Variants in GTF2H1 observed in about 807,000 individuals in gnomAD.
The protein encoded by GTF2H1 is general transcription factor IIH subunit 1.
In GTF2H1, 16 loss-of-function variants were observed where a neutral mutation model predicts 71.2. The observed-to-expected ratio is 0.22, with a 90% CI of 0.15 to 0.34. The LOEUF (loss-of-function observed/expected upper bound fraction) is 0.34. Ranked by LOEUF, GTF2H1 falls within the 10% of genes least tolerant of loss-of-function variation. The probability of loss-of-function intolerance (pLI) is 1.00; values close to 1 mark genes in which losing one functional copy is unlikely to be tolerated. For synonymous variants in GTF2H1, 215 were observed against 219.0 expected (o/e 0.98, Z 0.16); for missense variants, 498 against 648.2 (o/e 0.77, Z 2.52).
chr11:18,343,486 G>A (rs1485844025), intron 7 of GTF2H1, among the ~76,000 whole-genome samples: 3 of 151,732 alleles, frequency 2.0e-5, no homozygotes, highest in Admixed American at 6.6e-5. Context: ...TCAATCTTCT[G>A]GTTATAGTAA....
chr11:18,340,349 G>A (rs1480806980), intron 5 of GTF2H1, among the ~76,000 whole-genome samples: 3 of 151,718 alleles, frequency 2.0e-5, no homozygotes, highest in Non-Finnish European at 4.4e-5. Context: ...GTGCAGTGGC[G>A]CGATCTTGGC....
intron 9 of GTF2H1, among the ~76,000 whole-genome samples, chr11:18,350,080 TATCAGTATTCAGTGGTA>T (rs1865391568): frequency 3.9e-5 from 6 of 152,242 alleles, no homozygotes; most frequent in Non-Finnish European, 8.8e-5. Context: ...AGTCAGGGGC[TATCAGTATTCAGTGGTA>T]AATGCTGGCT....
At chr11:18,358,737 A>G in intron 13 of GTF2H1, 97 bp downstream of exon 13, 1 of 734,768 alleles carries the variant, frequency 1.4e-6, no homozygotes, top group South Asian at 1.6e-5. Flanking sequence ...CATGTGACAG[A>G]CACTGGGATA....
At position 18,357,989 on chromosome 11, in the gene GTF2H1, C is replaced by T; in HGVS notation, c.1298C>T (p.Ala433Val). 6.2e-7 allele frequency: 1 copy of T among 1,612,712 alleles called. No homozygotes were observed. Among genetic ancestry groups the T allele is most frequent in the Non-Finnish European group, 8.5e-7 (1 of 1,178,916 alleles). Reference protein sequence around the residue: ...SSSAASSTITALSPGGALMQG... With the variant: ...SSSAASSTITVLSPGGALMQG... ...AGTGCTGCCAGTAGTACCATCACAG[C>T]ACTGTCACCTGGAGGGGCACTTATG... Residue 433 changes from alanine to valine, a missense_variant, in exon 12 of 15, where the codon GCA becomes GTA. Coordinates refer to ENST00000265963, the MANE Select transcript of GTF2H1 (RefSeq NM_005316.4).
intron 2 of GTF2H1, chr11:18,333,746 A>G (rs1364697664): frequency 2.0e-5 from 3 of 152,260 alleles, no homozygotes; most frequent in Non-Finnish European, 4.4e-5. Context: ...CATCCTCTCA[A>G]AGTTCTGGGA....
At position 18,347,509 on chromosome 11, in the gene GTF2H1, A is replaced by C. The variant is rs995356980; in HGVS notation, c.838-79A>C. 1.1e-5 allele frequency: 11 copies of C among 1,045,360 alleles called. No individual in the cohort carries two copies. In the East Asian group the frequency reaches 2.1e-4, roughly 20 times the overall value. 64.8% of individuals were successfully genotyped at this position (1,045,360 alleles called of 1,614,324 possible). ...GTAATAAAAGTCCCATCATCCAGCA[A>C]ATTTTTTCAGCTAAGCGTGTCTTAT... On this transcript the variant is annotated intron_variant, in intron 7 of 14. Transcript: ENST00000265963.
At chr11:18,361,098 C>G (rs561989241) in intron 14 of GTF2H1, among the ~76,000 whole-genome samples, 1 of 152,084 alleles carries the variant, frequency 6.6e-6, no homozygotes, top group African/African-American at 2.4e-5. Flanking sequence ...CCACTGCACC[C>G]GGCCAATACT....
chr11:18,344,628 A>G (rs1865241982), intron 7 of GTF2H1, among the ~76,000 whole-genome samples: 1 of 151,874 alleles, frequency 6.6e-6, no homozygotes, highest in Non-Finnish European at 1.5e-5. Context: ...AAAAAAAAAA[A>G]AAAAAAAAGG....
chr11:18,364,269 T>A (rs1047033585), intron 14 of GTF2H1, among the ~76,000 whole-genome samples: 2 of 152,138 alleles, frequency 1.3e-5, no homozygotes, highest in Admixed American at 6.5e-5. Flanking sequence ...TTTTTTTAAC[T>A]CTGTACCCCT....
rs1865835818 is a variant in GTF2H1, at chr11:18,366,800, A to C, written c.*931A>C. ...ATTTTCACCTCTTTAGAAGAAATAAAAGATGTTTCTCCTATCTCCTTTTCT... is the reference window on the plus strand; with the variant it reads ...ATTTTCACCTCTTTAGAAGAAATAACAGATGTTTCTCCTATCTCCTTTTCT... On this transcript the variant is annotated 3_prime_UTR_variant, in exon 15 of 15. Transcript: ENST00000265963. 2 of 152,280 alleles carry C rather than the reference A, an allele frequency of 1.3e-5. No homozygotes were observed. The highest frequency in any genetic ancestry group is 1.3e-4 in the Admixed American group (2 of 15,254). 9.4% of individuals were successfully genotyped at this position (152,280 alleles called of 1,614,324 possible). A position where few individuals can be genotyped will look rare whatever the true frequency, so the allele number is the denominator to read the frequency against.
intron 11 of GTF2H1, among the ~76,000 whole-genome samples, chr11:18,354,535 A>AAGG: frequency 6.6e-6 from 1 of 151,918 alleles, no homozygotes; most frequent in Admixed American, 6.6e-5. Flanking sequence ...AGACTCAAGC[A>AAGG]ATCCTCCTGC....
At chr11:18,339,495 T>G in intron 4 of GTF2H1, 69 bp from the exon 5 acceptor site, 1 of 1,029,168 alleles carries the variant, frequency 9.7e-7, no homozygotes, top group Non-Finnish European at 1.5e-6. Flanking sequence ...CTTTGTCCAG[T>G]GTCCACTGGG....
intron 7 of GTF2H1, among the ~76,000 whole-genome samples, chr11:18,342,823 A>G (rs1313798434): frequency 6.6e-6 from 1 of 152,202 alleles, no homozygotes. Context: ...TGTATAAACC[A>G]TCCCATAGTT....
At chr11:18,330,160 T>C (rs1173149130) in intron 1 of GTF2H1, among the ~76,000 whole-genome samples, 1 of 152,226 alleles carries the variant, frequency 6.6e-6, no homozygotes, top group East Asian at 1.9e-4. Flanking sequence ...TTTTTTAAAA[T>C]GGCTTTTTAA....
intron 7 of GTF2H1, among the ~76,000 whole-genome samples, chr11:18,345,575 T>A (rs942175704): frequency 2.7e-5 from 4 of 150,404 alleles, no homozygotes; most frequent in Non-Finnish European, 5.9e-5. Flanking sequence ...CTCAGCTCAC[T>A]GCAATCTCTG....
chr11:18,360,783 G>T, intron 14 of GTF2H1, 76 bp downstream of exon 14: 2 of 730,728 alleles, frequency 2.7e-6, no homozygotes, highest in Non-Finnish European at 2.3e-6. Flanking sequence ...TTGCTTTCAT[G>T]TAAATGAGTA....
At chr11:18,360,561 T>G in intron 13 of GTF2H1, 54 bp from the exon 14 acceptor site, 2 of 794,454 alleles carry the variant, frequency 2.5e-6, no homozygotes, top group Non-Finnish European at 4.1e-6. Flanking sequence ...GTTTTTCTGT[T>G]GGTCTCTACA....
rs560671250 is a variant in GTF2H1, at chr11:18,343,111, G to A, written c.837+1504G>A. Among the ~76,000 whole-genome samples the A allele has an allele frequency of 2.4e-4, 37 of 152,192 alleles. No homozygotes were observed. The South Asian group carries it at 3.3e-3, about 14-fold the overall frequency. ...TAATTTTTGTATTTTTAGTACAGGCGGGGTTTCATCATGTTGGCCGGGCTG... is the reference window on the plus strand; with the variant it reads ...TAATTTTTGTATTTTTAGTACAGGCAGGGTTTCATCATGTTGGCCGGGCTG... On this transcript the variant is annotated intron_variant, in intron 7 of 14. Transcript: ENST00000265963.
At chr11:18,334,636 A>T (rs1352336007) in intron 2 of GTF2H1, among the ~76,000 whole-genome samples, 2 of 152,216 alleles carry the variant, frequency 1.3e-5, no homozygotes, top group Non-Finnish European at 2.9e-5. Flanking sequence ...CCAAAACTAG[A>T]TTTGCACCAG....
Sources: gnomAD v4.1 joint callset for allele counts (sites outside exome capture counted in the v4.1 genomes callset) on GRCh38, gnomAD v4.1.1 for gene constraint, MANE v1.5 for transcripts, NCBI Gene and HGNC (gene_info 2026-07-23, HGNC 2026-07-21) for gene names.